The following CHN2 variants were observed in gnomAD, a reference collection of about 807,000 sequenced individuals.
The protein encoded by CHN2 is chimerin 2.
A neutral mutation model predicts 56.3 loss-of-function variants in CHN2; 35 were observed. The ratio of observed to expected loss-of-function variants is 0.62; its 90% confidence interval spans 0.47 to 0.82. The LOEUF (loss-of-function observed/expected upper bound fraction) is 0.82. CHN2 is among the 40% of genes least tolerant of loss of function. The probability of loss-of-function intolerance (pLI) is 0.00; values close to 1 mark genes in which losing one functional copy is unlikely to be tolerated. For missense variants in CHN2, 491 were observed against 580.5 expected (o/e 0.85, Z 1.58); for synonymous variants, 210 against 212.8 (o/e 0.99, Z 0.12).
chr7:29,155,498 A>G (rs909902117), intron 2 of CHN2, among the ~76,000 whole-genome samples: 2 of 152,218 alleles, frequency 1.3e-5, no homozygotes, highest in African/African-American at 4.8e-5. Context: ...TGGATGTAAC[A>G]GAAGAATAGA....
At chr7:29,378,981 A>G (rs935285223) in intron 3 of CHN2, among the ~76,000 whole-genome samples, 2 of 152,202 alleles carry the variant, frequency 1.3e-5, no homozygotes, top group African/African-American at 2.4e-5. Context: ...AGAAAAAGAA[A>G]AAGAGTGGGT....
At chr7:29,377,119 C>A (rs1800135217) in intron 3 of CHN2, among the ~76,000 whole-genome samples, 1 of 152,134 alleles carries the variant, frequency 6.6e-6, no homozygotes, top group Admixed American at 6.5e-5. Context: ...CTTCCGCCTC[C>A]CAGTTTCAAG....
chr7:29,352,712 G>A (rs1282060846), intron 1 of CHN2, among the ~76,000 whole-genome samples: 1 of 151,968 alleles, frequency 6.6e-6, no homozygotes, highest in African/African-American at 2.4e-5. Flanking sequence ...GATAGAGTGG[G>A]ACTCTGTCTC....
At chr7:29,299,527 T>C (rs1793473542) in intron 1 of CHN2, among the ~76,000 whole-genome samples, 1 of 152,140 alleles carries the variant, frequency 6.6e-6, no homozygotes, top group South Asian at 2.1e-4. Flanking sequence ...GCTAGCTCTT[T>C]GCTTCATTGT....
chr7:29,162,295 T>C (rs1302412045), intron 2 of CHN2, among the ~76,000 whole-genome samples: 1 of 152,142 alleles, frequency 6.6e-6, no homozygotes, highest in Admixed American at 6.6e-5. Context: ...CACACAACCA[T>C]ATAGTAGAAT....
chr7:29,287,054 T>TA (rs1792203752), intron 1 of CHN2, among the ~76,000 whole-genome samples: 1 of 152,200 alleles, frequency 6.6e-6, no homozygotes, highest in African/African-American at 2.4e-5. Flanking sequence ...TCCTGTATTT[T>TA]TAGTCCATTT....
chr7:29,194,660 GC>G, upstream of CHN2: 1 of 338,688 alleles, frequency 3.0e-6, no homozygotes, highest in Non-Finnish European at 5.3e-6. Flanking sequence ...CGTCCCGGCT[GC>G]CCCTCGGCCT....
chr7:29,465,465 A>C (rs1250017886), intron 6 of CHN2, among the ~76,000 whole-genome samples: 1 of 152,210 alleles, frequency 6.6e-6, no homozygotes, highest in Non-Finnish European at 1.5e-5. Flanking sequence ...CTTAAGTTGC[A>C]CTTTTCATCC....
chr7:29,500,401 C>T (rs761680918), intron 9 of CHN2, among the ~76,000 whole-genome samples: 2 of 152,152 alleles, frequency 1.3e-5, no homozygotes, highest in Non-Finnish European at 2.9e-5. Context: ...TGAGGCCAGA[C>T]AATCACCTGA....
chr7:29,161,681 T>C (rs947775771), intron 2 of CHN2, among the ~76,000 whole-genome samples: 4 of 152,206 alleles, frequency 2.6e-5, no homozygotes, highest in Admixed American at 2.6e-4. Flanking sequence ...AATTTAAAAA[T>C]AGATACTTAA....
chr7:29,498,652 G>T (rs1012964629), intron 8 of CHN2, among the ~76,000 whole-genome samples: 1 of 151,722 alleles, frequency 6.6e-6, no homozygotes, highest in African/African-American at 2.4e-5. Flanking sequence ...TTGTGCCTAG[G>T]AAAACAGTAT....
chr7:29,194,836 T>C lies in CHN2; in HGVS notation c.-106T>C. 1 of 1,078,424 alleles carries C rather than the reference T, an allele frequency of 9.3e-7. No homozygotes were observed. Among genetic ancestry groups the C allele is most frequent in the East Asian group, 3.3e-5 (1 of 30,300 alleles). 66.8% of individuals were successfully genotyped at this position (1,078,424 alleles called of 1,614,324 possible). On this transcript the variant is annotated 5_prime_UTR_variant, in exon 1 of 13. Coordinates refer to ENST00000222792, the MANE Select transcript of CHN2 (RefSeq NM_004067.4). ...GTGCTTTCTGCGCGTCCCCAGGACT[T>C]TGCCATGGGCTGGGGGCCGCGGAGG...
At chr7:29,336,804 C>T (rs974462317) in intron 1 of CHN2, among the ~76,000 whole-genome samples, 6 of 134,676 alleles carry the variant, frequency 4.5e-5, no homozygotes, top group Middle Eastern at 4.4e-3. Context: ...CACATGCAAA[C>T]CAGAAAGTCT....
intron 1 of CHN2, among the ~76,000 whole-genome samples, chr7:29,254,979 A>G (rs1562868409): frequency 1.3e-5 from 2 of 152,152 alleles, no homozygotes; most frequent in Non-Finnish European, 2.9e-5. Context: ...TGTCCTACCA[A>G]GAGAGCGTGC....
chr7:29,224,279 T>C (rs1786027151), intron 1 of CHN2, among the ~76,000 whole-genome samples: 1 of 152,224 alleles, frequency 6.6e-6, no homozygotes, highest in Non-Finnish European at 1.5e-5. Context: ...CAGTTTGTGA[T>C]TAAGTGATAC....
chr7:29,155,675 G>C (rs1347950448), intron 2 of CHN2, among the ~76,000 whole-genome samples: 3 of 152,130 alleles, frequency 2.0e-5, no homozygotes, highest in Non-Finnish European at 4.4e-5. Flanking sequence ...TCCAATCATC[G>C]TCCTGCTTCC....
chr7:29,202,988 A>G (rs568107991), intron 1 of CHN2, among the ~76,000 whole-genome samples: 2 of 152,142 alleles, frequency 1.3e-5, no homozygotes, highest in African/African-American at 4.8e-5. Flanking sequence ...CAAGACCTAG[A>G]CCTGCACAGT....
At chr7:29,387,704 A>T (rs907541000) in intron 3 of CHN2, among the ~76,000 whole-genome samples, 2 of 152,184 alleles carry the variant, frequency 1.3e-5, no homozygotes, top group African/African-American at 4.8e-5. Context: ...ATCCTGTTTA[A>T]ACATATAGCA....
chr7:29,393,754 T>A (rs1049423416), intron 4 of CHN2, 44 bp downstream of exon 4: 1 of 653,500 alleles, frequency 1.5e-6, no homozygotes, highest in Non-Finnish European at 2.3e-6. Context: ...TAATAAGTAG[T>A]CATTTCATGT....
Sources: gnomAD v4.1 joint callset for allele counts (sites outside exome capture counted in the v4.1 genomes callset) on GRCh38, gnomAD v4.1.1 for gene constraint, MANE v1.5 for transcripts, NCBI Gene and HGNC (gene_info 2026-07-23, HGNC 2026-07-21) for gene names.